Variants in CNTN4 observed in about 807,000 individuals in gnomAD.
The protein encoded by CNTN4 is contactin-4.
CNTN4 carries 77 observed loss-of-function variants against 122.5 expected under a neutral mutation model. The observed-to-expected ratio is 0.63, with a 90% CI of 0.52 to 0.76. CNTN4 has a LOEUF of 0.76. CNTN4 is among the 30% of genes least tolerant of loss of function. CNTN4 has a pLI of 0.00. For synonymous variants in CNTN4, 512 were observed against 447.0 expected, an observed-to-expected ratio of 1.15 and a Z score of -1.83; for missense variants, 1,256 against 1,259.1, an observed-to-expected ratio of 1.00 and a Z score of 0.04.
At chr3:2,312,267 C>G (rs997624642) in intron 2 of CNTN4, among the ~76,000 whole-genome samples, 2 of 151,954 alleles carry the variant, frequency 1.3e-5, no homozygotes, top group East Asian at 1.9e-4. Context: ...GGTTTTAAAA[C>G]CAGTTGCTAG....
At chr3:2,860,295 T>C (rs1321760754) in intron 7 of CNTN4, among the ~76,000 whole-genome samples, 2 of 152,238 alleles carry the variant, frequency 1.3e-5, no homozygotes, top group Non-Finnish European at 2.9e-5. Context: ...ATTCTCAGTC[T>C]GTGTCTGGCA....
chr3:2,344,183 T>C (rs1311540378), intron 3 of CNTN4, among the ~76,000 whole-genome samples: 1 of 152,068 alleles, frequency 6.6e-6, no homozygotes, highest in East Asian at 1.9e-4. Context: ...ATATCAGTGA[T>C]ATAACAAAAT....
intron 6 of CNTN4, among the ~76,000 whole-genome samples, chr3:2,755,621 A>T (rs2090300502): frequency 6.6e-6 from 1 of 152,190 alleles, no homozygotes; most frequent in African/African-American, 2.4e-5. Context: ...GATGCTAGTT[A>T]ATTGTAGCTA....
chr3:2,994,501 G>C (rs1695340942), intron 14 of CNTN4, among the ~76,000 whole-genome samples: 1 of 151,564 alleles, frequency 6.6e-6, no homozygotes, highest in Non-Finnish European at 1.5e-5. Context: ...CTGTGGTTTA[G>C]CTGAGCATTT....
chr3:2,541,693 C>T (rs1368191658), intron 3 of CNTN4, among the ~76,000 whole-genome samples: 1 of 152,094 alleles, frequency 6.6e-6, no homozygotes, highest in Non-Finnish European at 1.5e-5. Context: ...CTTAAATTTG[C>T]TGAAGCAAGC....
At chr3:2,176,347 T>A (rs765380506) in intron 2 of CNTN4, among the ~76,000 whole-genome samples, 3 of 152,172 alleles carry the variant, frequency 2.0e-5, no homozygotes, top group Non-Finnish European at 2.9e-5. Context: ...AAATAGAATA[T>A]ATATACCACT....
chr3:2,582,029 ATGTC>A (rs1475018647), intron 4 of CNTN4, among the ~76,000 whole-genome samples: 7 of 152,196 alleles, frequency 4.6e-5, no homozygotes, highest in Non-Finnish European at 1.0e-4. Context: ...TGGATATGTG[ATGTC>A]TTTTTAGGCT....
chr3:2,837,502 C>T (rs975843868), intron 7 of CNTN4, among the ~76,000 whole-genome samples: 11 of 152,260 alleles, frequency 7.2e-5, no homozygotes, highest in African/African-American at 2.4e-4. Context: ...TGTGCAGTGA[C>T]GTGCATTTCA....
intron 3 of CNTN4, among the ~76,000 whole-genome samples, chr3:2,393,808 A>G (rs1039905384): frequency 2.2e-4 from 34 of 152,072 alleles, no homozygotes; most frequent in African/African-American, 7.7e-4. Flanking sequence ...TAATATAATG[A>G]CCAGTATGAA....
Position 3,034,785 on chromosome 3 carries a change from G to C in CNTN4, c.1937G>C (p.Ser646Thr). ...TTCTCCGTGGGCTGGCAAGCAGTCA[G>C]TACAGGTACCATATTGGATGCTTGG... ...TPFSVGWQAVSTVPELIDGKT... is the reference protein window; with the variant it reads ...TPFSVGWQAVTTVPELIDGKT... Residue 646 changes from serine (S) to threonine (T), a missense_variant, in exon 17 of 25, where the codon AGT becomes ACT. Ser to Thr is a moderately conservative substitution (Grantham distance 58, BLOSUM62 1). Coordinates refer to ENST00000418658, the MANE Select transcript of CNTN4 (RefSeq NM_175607.3). The C allele has an allele frequency of 6.2e-7, 1 of 1,614,042 alleles. No individual in the cohort carries two copies. Among genetic ancestry groups the C allele is most frequent in the Non-Finnish European group, 8.5e-7 (1 of 1,179,942 alleles).
At chr3:2,402,516 A>T (rs563754426) in intron 3 of CNTN4, among the ~76,000 whole-genome samples, 1 of 152,250 alleles carries the variant, frequency 6.6e-6, no homozygotes, top group South Asian at 2.1e-4. Flanking sequence ...TGGGATATTC[A>T]TCACCTCAAT....
At chr3:2,587,733 C>A (rs888232440) in intron 4 of CNTN4, among the ~76,000 whole-genome samples, 13 of 152,104 alleles carry the variant, frequency 8.5e-5, no homozygotes, top group African/African-American at 3.1e-4. Context: ...AACTTGCTCT[C>A]CAGTTCAGTA....
chr3:2,156,590 G>A (rs1264717612), intron 2 of CNTN4, among the ~76,000 whole-genome samples: 2 of 152,186 alleles, frequency 1.3e-5, no homozygotes, highest in African/African-American at 4.8e-5. Flanking sequence ...AGCCCGGTTT[G>A]GAGAGGCATT....
chr3:2,627,639 G>A (rs1027213052), intron 4 of CNTN4, among the ~76,000 whole-genome samples: 56 of 151,864 alleles, frequency 3.7e-4, no homozygotes, highest in East Asian at 9.8e-4. Flanking sequence ...GAATACAGGT[G>A]CCCGCCACCA....
chr3:2,797,714 G>T (rs2092232509), intron 6 of CNTN4, among the ~76,000 whole-genome samples: 1 of 152,134 alleles, frequency 6.6e-6, no homozygotes, highest in Non-Finnish European at 1.5e-5. Context: ...ATCTCCAAGA[G>T]TTCAATATAG....
chr3:2,988,961 C>CCTG, intron 14 of CNTN4: 1 of 165,012 alleles, frequency 6.1e-6, no homozygotes, highest in Non-Finnish European at 1.3e-5. Context: ...CACCTCTATG[C>CCTG]TTTGCCTTAG....
At chr3:2,168,418 AAAT>A (rs1177854831) in intron 2 of CNTN4, among the ~76,000 whole-genome samples, 1 of 152,150 alleles carries the variant, frequency 6.6e-6, no homozygotes, top group Non-Finnish European at 1.5e-5. Flanking sequence ...AAGTCACAGA[AAAT>A]AATTATTCAG....
chr3:2,174,932 A>G (rs1298782803), intron 2 of CNTN4, among the ~76,000 whole-genome samples: 1 of 152,130 alleles, frequency 6.6e-6, no homozygotes, highest in East Asian at 1.9e-4. Context: ...GCACGAAGCC[A>G]TGAGGGATCC....
chr3:2,864,510 G>A (rs1375469370), intron 7 of CNTN4, among the ~76,000 whole-genome samples: 1 of 151,858 alleles, frequency 6.6e-6, no homozygotes, highest in Non-Finnish European at 1.5e-5. Flanking sequence ...GGGCCGAGGA[G>A]GGCAGATCAC....
Sources: allele counts gnomAD v4.1 joint callset (sites outside exome capture counted in the v4.1 genomes callset), GRCh38; gene constraint gnomAD v4.1.1; transcripts MANE v1.5; gene names NCBI Gene and HGNC (gene_info 2026-07-23, HGNC 2026-07-21).